PTBP1: variants seen among roughly 807,000 people sequenced by gnomAD.
PTBP1 encodes polypyrimidine tract-binding protein 1.
Under a neutral mutation model 59.8 loss-of-function variants are expected in PTBP1, and 8 were observed. The ratio of observed to expected loss-of-function variants is 0.13; its 90% CI spans 0.08 to 0.24. PTBP1 has a LOEUF of 0.24. Ranked by LOEUF, PTBP1 falls within the 10% of genes least tolerant of loss-of-function variation. PTBP1 has a pLI of 1.00. For missense variants in PTBP1, 686 were observed against 767.0 expected (o/e 0.89, Z 1.25); for synonymous variants, 490 against 320.7 (o/e 1.53, Z -5.64).
At position 810,841 on chromosome 19, in the gene PTBP1, A is replaced by G; in HGVS notation, c.*15A>G. On this transcript the variant is annotated 3_prime_UTR_variant, in exon 15 of 15. Coordinates refer to ENST00000356948, the MANE Select transcript of PTBP1 (RefSeq NM_002819.5). ...CCACCATCTAGGGGCACAGGCCCCC[A>G]CGGCCGGGCCCCCTGGCGACAACTT... 6.6e-7 allele frequency: 1 copy of G among 1,525,200 alleles called. No homozygotes were observed. Among genetic ancestry groups the G allele is most frequent in the Non-Finnish European group, 8.7e-7 (1 of 1,144,964 alleles). The allele number at this position is 1,525,200 out of a possible 1,614,324, so 94.5% of individuals were successfully genotyped here. A position where few individuals can be genotyped will look rare whatever the true frequency, so the allele number is the denominator to read the frequency against.
At chr19:803,692 C>A in intron 3 of PTBP1, 56 bp downstream of exon 3, 1 of 1,465,660 alleles carries the variant, frequency 6.8e-7, no homozygotes, top group Non-Finnish European at 9.6e-7. Context: ...CCTGGAACAA[C>A]GTTACGTTCT....
chr19:799,224 C>T (rs2034220172), intron 1 of PTBP1, 189 bp from the exon 2 acceptor site: 3 of 693,204 alleles, frequency 4.3e-6, no homozygotes, highest in Non-Finnish European at 2.6e-6. Flanking sequence ...TTTCAAGTTG[C>T]AGTCAAGTGG....
At position 808,799 on chromosome 19, in the gene PTBP1, CG is replaced by C; in HGVS notation, c.1463+40del. On this transcript the variant is annotated intron_variant, in intron 13 of 14. Coordinates refer to ENST00000356948, the MANE Select transcript of PTBP1 (RefSeq NM_002819.5). This position sits in a 1 kb window ranked among gnomAD's most constrained non-coding sequence, Gnocchi z 4.7. ...GCCGGGGGGCTCATGGGGCCGGGGG[CG>C]GGCAAGGGCTCTGCTTGGCTGTCCT... 1 of 1,568,560 alleles carries C rather than the reference CG, an allele frequency of 6.4e-7. No individual in the cohort carries two copies. Among genetic ancestry groups the C allele is most frequent in the Non-Finnish European group, 8.7e-7 (1 of 1,151,702 alleles).
chr19:801,476 AC>A (rs1221589865), intron 2 of PTBP1, among the ~76,000 whole-genome samples: 1 of 152,224 alleles, frequency 6.6e-6, no homozygotes, highest in East Asian at 1.9e-4. Flanking sequence ...GGCCAAGAGG[AC>A]CGCTCAGAGG....
At chr19:797,981 C>T (rs1410588001) in intron 1 of PTBP1, among the ~76,000 whole-genome samples, 1 of 149,858 alleles carries the variant, frequency 6.7e-6, no homozygotes, top group Non-Finnish European at 1.5e-5. Context: ...TCCCGCCGCC[C>T]GGACTCTGCC....
intron 1 of PTBP1, among the ~76,000 whole-genome samples, chr19:798,792 C>T (rs1010328848): frequency 6.6e-6 from 1 of 152,254 alleles, no homozygotes; most frequent in African/African-American, 2.4e-5. Flanking sequence ...GGCTTTCTAT[C>T]CACCTTCCCC....
In PTBP1 at chr19:809,571, C is replaced by T. The variant is rs189955454; in HGVS notation, c.1463+809C>T. ...TCCTGACTTTGTGATCAACCCGCCT[C>T]GGCCTCCCAAAGTGCTGGGATAACA... On this transcript the variant is annotated intron_variant, in intron 13 of 14. Transcript: ENST00000356948. Among the ~76,000 whole-genome samples the T allele has an allele frequency of 5.0e-3, 764 of 152,066 alleles. 8 individuals are homozygous for T. Among genetic ancestry groups the T allele is most frequent in the African/African-American group, 0.017 (706 of 41,438 alleles).
intron 2 of PTBP1, among the ~76,000 whole-genome samples, chr19:802,030 CG>C (rs1332952888): frequency 8.5e-5 from 13 of 152,188 alleles, no homozygotes; most frequent in Admixed American, 7.2e-4. Flanking sequence ...GGGTGGGCGC[CG>C]GGCCTGTGGA....
Position 808,915 on chromosome 19 carries a change from T to C in PTBP1, c.1463+153T>C, listed in dbSNP as rs1384969326. 6.6e-6 allele frequency among the ~76,000 whole-genome samples: 1 copy of C among 152,162 alleles called. No individual in the cohort carries two copies. The highest frequency in any genetic ancestry group is 1.5e-5 in the Non-Finnish European group (1 of 68,024). Reference sequence around the variant, plus strand: ...CTGAAGTACTGCAAGGCCTGGAGCTTGAGCCGAGGGCTGCTCAAGGGAGGG... The same window carrying C: ...CTGAAGTACTGCAAGGCCTGGAGCTCGAGCCGAGGGCTGCTCAAGGGAGGG... On this transcript the variant is annotated intron_variant, in intron 13 of 14. Coordinates refer to ENST00000356948, the MANE Select transcript of PTBP1 (RefSeq NM_002819.5). The surrounding 1 kb of genome is among the most constrained non-coding windows in gnomAD (Gnocchi z 4.7).
At position 806,246 on chromosome 19, in the gene PTBP1, CG is replaced by C. The variant is rs1165807496; in HGVS notation, c.971-157del. ...GTGCAGGAGCCGGCGGGTGGCTGTG[CG>C]GGGGTCGGACGACCCCACAGGCACC... On this transcript the variant is annotated intron_variant, in intron 9 of 14. Transcript: ENST00000356948. 1.1e-5 allele frequency: 8 copies of C among 711,310 alleles called. No individual in the cohort carries two copies. The African/African-American group carries it at 1.2e-4, about 10-fold the overall frequency. 44.1% of individuals were successfully genotyped at this position (711,310 alleles called of 1,614,324 possible).
At chr19:806,116 CGTGTCT>C in intron 9 of PTBP1, 1 of 348,492 alleles carries the variant, frequency 2.9e-6, no homozygotes, top group Non-Finnish European at 5.2e-6. Context: ...CCGAGGGCCC[CGTGTCT>C]GTGCTGGCGG....
chr19:809,217 C>G, intron 13 of PTBP1, among the ~76,000 whole-genome samples: 1 of 151,228 alleles, frequency 6.6e-6, no homozygotes, highest in East Asian at 1.9e-4. Flanking sequence ...CCATATTGGC[C>G]AGGCTGATCT....
In PTBP1 at chr19:808,240, G is replaced by A. The variant is rs963880292; in HGVS notation, c.1154-120G>A. The A allele has an allele frequency of 4.2e-5, 36 of 861,666 alleles. No individual in the cohort carries two copies. The highest frequency in any genetic ancestry group is 1.2e-4 in the South Asian group (8 of 64,052). The allele number at this position is 861,666 out of a possible 1,614,324, so 53.4% of individuals were successfully genotyped here. ...TGCGAGACGCAGCTCCGCAGTGGCC[G>A]ATAAAGCAAACCCGGCCGGGCTGAG... On this transcript the variant is annotated intron_variant, in intron 11 of 14. Coordinates refer to ENST00000356948, the MANE Select transcript of PTBP1 (RefSeq NM_002819.5). The surrounding 1 kb of genome is among the most constrained non-coding windows in gnomAD (Gnocchi z 4.7).
In PTBP1 at chr19:804,381, C is replaced by T. The variant is rs199924491; in HGVS notation, c.378C>T (p.Ile126=). Residue 126 remains isoleucine (I), a synonymous_variant, in exon 5 of 15, where the codon ATC becomes ATT. Transcript: ENST00000356948. ...CCCCTGTGCTGCGCGGCCAGCCCAT[C>T]TACATCCAGTTCTCCAACCACAAGG... ...SVTPVLRGQP[I]YIQFSNHKEL... 6 of 1,612,966 alleles carry T rather than the reference C, an allele frequency of 3.7e-6. No individual in the cohort carries two copies. The East Asian group carries it at 1.1e-4, about 30-fold the overall frequency.
In PTBP1 at chr19:808,310, G is replaced by A; in HGVS notation, c.1154-50G>A. Reference sequence around the variant, plus strand: ...GCGGGGCCGGGGCTGACGGGGAGATGGGCGGGGCAGGCAGCAGGAGACTCA... The same window carrying A: ...GCGGGGCCGGGGCTGACGGGGAGATAGGCGGGGCAGGCAGCAGGAGACTCA... On this transcript the variant is annotated intron_variant, in intron 11 of 14. Coordinates refer to ENST00000356948, the MANE Select transcript of PTBP1 (RefSeq NM_002819.5). The surrounding 1 kb of genome is among the most constrained non-coding windows in gnomAD (Gnocchi z 4.7). 1 of 1,452,398 alleles carries A rather than the reference G, an allele frequency of 6.9e-7. No homozygotes were observed. The highest frequency in any genetic ancestry group is 9.5e-7 in the Non-Finnish European group (1 of 1,057,078). The allele number at this position is 1,452,398 out of a possible 1,614,324, so 90.0% of individuals were successfully genotyped here. A position where few individuals can be genotyped will look rare whatever the true frequency, so the allele number is the denominator to read the frequency against.
At position 800,987 on chromosome 19, in the gene PTBP1, G is replaced by A. The variant is rs527675904; in HGVS notation, c.39+1544G>A. Among the ~76,000 whole-genome samples, 414 of 152,228 alleles carry A rather than the reference G, an allele frequency of 2.7e-3. 2 individuals are homozygous for A. Among genetic ancestry groups the A allele is most frequent in the Admixed American group, 6.1e-3 (94 of 15,292 alleles). ...GGTGCAGGCCCTGGTAGGAGGACGG[G>A]GTAGTACCCTGACCCAGATGATACC... is the stretch of plus-strand genomic sequence containing the variant. On this transcript the variant is annotated intron_variant, in intron 2 of 14. Transcript: ENST00000356948.
chr19:809,165 C>T (rs2034728457), intron 13 of PTBP1, among the ~76,000 whole-genome samples: 1 of 151,946 alleles, frequency 6.6e-6, no homozygotes, highest in East Asian at 1.9e-4. Flanking sequence ...CCCACAACCA[C>T]ACCTGGCTAA....
Position 811,353 on chromosome 19 carries a change from CCCGCCCCCAGGGCCTTCCCTT to C in PTBP1, c.*529_*549del, listed in dbSNP as rs1310442897. 6 of 152,476 alleles carry C rather than the reference CCCGCCCCCAGGGCCTTCCCTT, an allele frequency of 3.9e-5. No homozygotes were observed. The highest frequency in any genetic ancestry group is 7.3e-5 in the Non-Finnish European group (5 of 68,144). The allele number at this position is 152,476 out of a possible 1,614,324, so 9.4% of individuals were successfully genotyped here. ...TCAAGTCACGTGATTCTCCCTTCACCCCGCCCCCAGGGCCTTCCCTTCTGCCCCCAGGCGGGCTCCCCGCTG... is the reference window on the plus strand; with the variant it reads ...TCAAGTCACGTGATTCTCCCTTCACCCTGCCCCCAGGCGGGCTCCCCGCTG... On this transcript the variant is annotated 3_prime_UTR_variant, in exon 15 of 15. Transcript: ENST00000356948.
rs753307845 is a variant in PTBP1, at chr19:804,083, G to C, written c.163G>C (p.Gly55Arg). ...GTTCAAAGGTGACAGCCGAAGTGCAGGCGTCCCCTCTAGAGTGATCCACAT... is the reference window on the plus strand; with the variant it reads ...GTTCAAAGGTGACAGCCGAAGTGCACGCGTCCCCTCTAGAGTGATCCACAT... The part of the protein sequence containing the change: ...KKFKGDSRSA[G>R]VPSRVIHIRK... The change falls in exon 4 of 15, where the codon GGC becomes CGC. Residue 55 changes from glycine to arginine, a missense_variant. Coordinates refer to ENST00000356948, the MANE Select transcript of PTBP1 (RefSeq NM_002819.5). 2 of 1,614,070 alleles carry C rather than the reference G, an allele frequency of 1.2e-6. No homozygotes were observed. The highest frequency in any genetic ancestry group is 1.1e-5 in the South Asian group (1 of 91,082).
Sources: allele counts gnomAD v4.1 joint callset (sites outside exome capture counted in the v4.1 genomes callset), GRCh38; gene constraint gnomAD v4.1.1; non-coding constraint Gnocchi (gnomAD v3.1); transcripts MANE v1.5; gene names NCBI Gene and HGNC (gene_info 2026-07-23, HGNC 2026-07-21).